The following CSDE1 variants were observed in gnomAD, a reference collection of about 807,000 sequenced individuals.
CSDE1 encodes cold shock domain-containing protein E1.
A neutral mutation model predicts 89.3 loss-of-function variants in CSDE1; 17 were observed. The observed-to-expected ratio is 0.19, with a 90% CI of 0.13 to 0.29. CSDE1 has a LOEUF of 0.29. Among genes scored for constraint, CSDE1 ranks in the 10% least tolerant of loss-of-function variants. The pLI, the probability that CSDE1 is intolerant of heterozygous loss-of-function variation, is 1.00. For missense variants in CSDE1, 672 were observed against 984.2 expected (o/e 0.68, Z 4.24); for synonymous variants, 322 against 332.8 (o/e 0.97, Z 0.35).
At chr1:114,724,586 G>A (rs1659697544) in intron 15 of CSDE1, among the ~76,000 whole-genome samples, 1 of 152,146 alleles carries the variant, frequency 6.6e-6, no homozygotes, top group African/African-American at 2.4e-5. Flanking sequence ...TTTAAAGTCA[G>A]AGATCCAAGA....
At chr1:114,734,420 G>A (rs756436453) in intron 7 of CSDE1, 22 bp downstream of exon 7, 2 of 1,602,772 alleles carry the variant, frequency 1.2e-6, no homozygotes, top group Non-Finnish European at 8.5e-7. Context: ...GAAAACTCAA[G>A]TTTCTCAAAT....
intron 18 of CSDE1, chr1:114,718,949 G>T: frequency 1.7e-6 from 1 of 572,488 alleles, no homozygotes. Flanking sequence ...AACTTAATAG[G>T]AATGGAAGGA....
intron 10 of CSDE1, among the ~76,000 whole-genome samples, chr1:114,731,807 G>T (rs577326924): frequency 1.3e-5 from 2 of 152,252 alleles, no homozygotes; most frequent in East Asian, 1.9e-4. Flanking sequence ...CTTAAAACAT[G>T]ATGAGATGTT....
chr1:114,741,890 A>G (rs1183838707), intron 2 of CSDE1, among the ~76,000 whole-genome samples: 3 of 152,176 alleles, frequency 2.0e-5, no homozygotes, highest in Non-Finnish European at 4.4e-5. Flanking sequence ...AAAATGCCAC[A>G]AAGACTCTTG....
At chr1:114,753,516 C>T (rs1570963272) in intron 1 of CSDE1, among the ~76,000 whole-genome samples, 2 of 152,140 alleles carry the variant, frequency 1.3e-5, no homozygotes, top group Non-Finnish European at 2.9e-5. Context: ...CACTCATGCC[C>T]GGATTAACAT....
chr1:114,751,882 A>AT (rs1490873876), intron 1 of CSDE1, among the ~76,000 whole-genome samples: 1 of 152,166 alleles, frequency 6.6e-6, no homozygotes, highest in Non-Finnish European at 1.5e-5. Context: ...ACTAAGTGAC[A>AT]TATTTTAGCT....
intron 15 of CSDE1, among the ~76,000 whole-genome samples, 180 bp downstream of exon 15, chr1:114,725,041 G>C (rs944871873): frequency 2.0e-5 from 3 of 152,150 alleles, no homozygotes; most frequent in African/African-American, 4.8e-5. Flanking sequence ...AGTTTCAGTG[G>C]GTATGGGATA....
chr1:114,728,534 A>G (rs1659923247), intron 12 of CSDE1, among the ~76,000 whole-genome samples: 1 of 151,044 alleles, frequency 6.6e-6, no homozygotes, highest in African/African-American at 2.4e-5. Context: ...ACTAAGAAAG[A>G]AAAAAAAACA....
Position 114,723,886 on chromosome 1 carries a change from C to G in CSDE1, c.1870G>C (p.Glu624Gln). 5.0e-6 allele frequency: 8 copies of G among 1,613,960 alleles called. No homozygotes were observed. The East Asian group carries it at 1.8e-4, about 36-fold the overall frequency. Residue 624 changes from glutamate (E) to glutamine (Q), a missense_variant, in exon 16 of 20, where the codon GAG becomes CAG. Physicochemically the swap from Glu to Gln is conservative, Grantham distance 29. This residue lies in a region of CSDE1 where 206 missense variants were observed against 332.4 expected (regional missense o/e 0.62). Coordinates refer to ENST00000358528, the MANE Select transcript of CSDE1 (RefSeq NM_001007553.3). ...EYQGMIEIVE[E>Q]GDMKGEVYPF... The stretch of plus-strand genomic sequence containing the variant: ...GCCTGATAGTGATGATCCTTACCCT[C>G]CTCCACAATCTCAATCATTCCTTGG...
chr1:114,749,208 T>C (rs1169068372), intron 2 of CSDE1, among the ~76,000 whole-genome samples: 3 of 152,234 alleles, frequency 2.0e-5, no homozygotes, highest in Admixed American at 6.5e-5. Flanking sequence ...GCTTCAGTTA[T>C]ATTCTTAATA....
rs148689556 is a variant in CSDE1, at chr1:114,730,924, T to C, written c.1051-276A>G. Among the ~76,000 whole-genome samples, 412 of 152,306 alleles carry C rather than the reference T, an allele frequency of 2.7e-3. 2 individuals are homozygous for C. The highest frequency in any genetic ancestry group is 4.6e-3 in the Non-Finnish European group (315 of 68,018). On this transcript the variant is annotated intron_variant, in intron 10 of 19. Coordinates refer to ENST00000358528, the MANE Select transcript of CSDE1 (RefSeq NM_001007553.3). Reference sequence around the variant, plus strand: ...TGTGAACGTAAACACGTGAACACAATGTATTTCATAAAAGCCCAAGTCTAA... The same window carrying C: ...TGTGAACGTAAACACGTGAACACAACGTATTTCATAAAAGCCCAAGTCTAA...
chr1:114,727,508 A>G (rs896718016), intron 12 of CSDE1, among the ~76,000 whole-genome samples: 2 of 152,226 alleles, frequency 1.3e-5, no homozygotes, highest in African/African-American at 4.8e-5. Flanking sequence ...CACCTTGCAC[A>G]GTATTTAATA....
rs1255316175 is a variant in CSDE1, at chr1:114,757,949, C to T, written c.-412G>A. The T allele has an allele frequency of 6.5e-6, 1 of 152,892 alleles. No homozygotes were observed. The highest frequency in any genetic ancestry group is 1.5e-5 in the Non-Finnish European group (1 of 68,244). The allele number at this position is 152,892 out of a possible 1,614,324, so 9.5% of individuals were successfully genotyped here. A position where few individuals can be genotyped will look rare whatever the true frequency, so the allele number is the denominator to read the frequency against. On this transcript the variant is annotated 5_prime_UTR_variant, in exon 1 of 20. Transcript: ENST00000358528. ...CCCCAACAGCTCAGCGCCCCCTCTCCAGCGCCGCCATAAGCAGCACGGCCC... is the reference window on the plus strand; with the variant it reads ...CCCCAACAGCTCAGCGCCCCCTCTCTAGCGCCGCCATAAGCAGCACGGCCC...
intron 16 of CSDE1, among the ~76,000 whole-genome samples, chr1:114,723,234 A>C (rs189228179): frequency 6.6e-6 from 1 of 152,120 alleles, no homozygotes; most frequent in African/African-American, 2.4e-5. Flanking sequence ...TATCCTAATC[A>C]TCTACAGAGT....
At position 114,732,602 on chromosome 1, in the gene CSDE1, A is replaced by T. The variant is rs113323620; in HGVS notation, c.1050+2T>A. 1 of 1,613,124 alleles carries T rather than the reference A, an allele frequency of 6.2e-7. No individual in the cohort carries two copies. The highest frequency in any genetic ancestry group is 1.3e-5 in the African/African-American group (1 of 75,032). On this transcript the variant is annotated splice_donor_variant, in intron 10 of 19. Coordinates refer to ENST00000358528, the MANE Select transcript of CSDE1 (RefSeq NM_001007553.3). LOFTEE classifies it high-confidence loss of function. The stretch of plus-strand genomic sequence containing the variant: ...ACATATCCAGTAATATCCAACACTT[A>T]CCATTTCTCGGGCTTCATTAGTGAA...
At chr1:114,749,243 A>C (rs1258889740) in intron 2 of CSDE1, among the ~76,000 whole-genome samples, 1 of 152,308 alleles carries the variant, frequency 6.6e-6, no homozygotes, top group East Asian at 1.9e-4. Context: ...TTTAGCCTAT[A>C]TTGTGATATT....
chr1:114,749,881 A>G lies in CSDE1; in HGVS notation c.-61T>C, dbSNP rs1364589232. On this transcript the variant is annotated 5_prime_UTR_variant, in exon 2 of 20. Coordinates refer to ENST00000358528, the MANE Select transcript of CSDE1 (RefSeq NM_001007553.3). ...TATTTGCTGATTCTTCTTTTTCAGC[A>G]CACGTTTCAAAGGATGAAAGTTGCT... 1.3e-5 allele frequency: 2 copies of G among 152,658 alleles called. No individual in the cohort carries two copies. The highest frequency in any genetic ancestry group is 2.9e-5 in the Non-Finnish European group (2 of 68,046). 9.5% of individuals were successfully genotyped at this position (152,658 alleles called of 1,614,324 possible). A position where few individuals can be genotyped will look rare whatever the true frequency, so the allele number is the denominator to read the frequency against.
intron 2 of CSDE1, among the ~76,000 whole-genome samples, chr1:114,740,975 G>C (rs1180977161): frequency 1.3e-5 from 2 of 152,170 alleles, no homozygotes; most frequent in Non-Finnish European, 2.9e-5. Context: ...ACCAAAGTTT[G>C]AGTCAACGAT....
chr1:114,737,015 T>TC (rs1244596422), intron 5 of CSDE1, among the ~76,000 whole-genome samples, 160 bp from the exon 6 acceptor site: 1 of 151,938 alleles, frequency 6.6e-6, no homozygotes, highest in African/African-American at 2.4e-5. Context: ...AACACACACT[T>TC]CCCCTCCATG....
Sources: allele counts gnomAD v4.1 joint callset (sites outside exome capture counted in the v4.1 genomes callset), GRCh38; gene constraint gnomAD v4.1.1; regional missense constraint gnomAD v4.1.1; transcripts MANE v1.5; gene names NCBI Gene and HGNC (gene_info 2026-07-23, HGNC 2026-07-21).